TENM3: variants seen among roughly 807,000 people sequenced by gnomAD.
TENM3 encodes the protein teneurin-3.
TENM3 carries 63 observed loss-of-function variants against 255.1 expected under a neutral mutation model. That is an observed-to-expected ratio of 0.25 (90% CI 0.20 to 0.30). TENM3 has a LOEUF of 0.30. Ranked by LOEUF, TENM3 falls within the 10% of genes least tolerant of loss-of-function variation. The pLI, the probability that TENM3 is intolerant of heterozygous loss-of-function variation, is 1.00. For synonymous variants in TENM3, 1,306 were observed against 1,322.3 expected, an observed-to-expected ratio of 0.99 and a Z score of 0.27; for missense variants, 2,929 against 3,461.1, an observed-to-expected ratio of 0.85 and a Z score of 3.86.
chr4:181,845,752 T>C, the TENM3 span, among the ~76,000 whole-genome samples: 1 of 152,218 alleles, frequency 6.6e-6, no homozygotes, highest in African/African-American at 2.4e-5. Context: ...AGAAATTTAG[T>C]TGGTCTCACA....
chr4:182,307,318 G>A (rs549277886), intron 1 of TENM3, among the ~76,000 whole-genome samples: 1 of 152,114 alleles, frequency 6.6e-6, no homozygotes, highest in African/African-American at 2.4e-5. Context: ...AATAATCATC[G>A]TAATCTGTGC....
intron 3 of TENM3, among the ~76,000 whole-genome samples, chr4:182,367,882 G>A (rs1354313958): frequency 1.3e-5 from 2 of 152,114 alleles, no homozygotes; most frequent in Non-Finnish European, 2.9e-5. Context: ...AAAGATGGAA[G>A]GATGGAAAAG....
intron 6 of TENM3, among the ~76,000 whole-genome samples, 172 bp from the exon 7 acceptor site, chr4:182,672,833 A>G (rs1755331075): frequency 6.6e-6 from 1 of 152,252 alleles, no homozygotes; most frequent in South Asian, 2.1e-4. Context: ...GTAAAACACC[A>G]GTATCTAATA....
At chr4:181,759,574 A>G in the TENM3 span, among the ~76,000 whole-genome samples, 2 of 152,192 alleles carry the variant, frequency 1.3e-5, no homozygotes. Context: ...ATTTGCACCA[A>G]GCAATATAGC....
chr4:181,562,970 G>A, the TENM3 span, among the ~76,000 whole-genome samples: 25 of 152,272 alleles, frequency 1.6e-4, no homozygotes, highest in East Asian at 1.5e-3. Flanking sequence ...CCACCGTGCC[G>A]GGCCCTTCTT....
chr4:181,897,119 C>T, the TENM3 span, among the ~76,000 whole-genome samples: 1 of 152,210 alleles, frequency 6.6e-6, no homozygotes, highest in African/African-American at 2.4e-5. Flanking sequence ...GTTCCTTCTT[C>T]CCTTCAGCCT....
At chr4:181,857,571 AAAAACAAAAC>A in the TENM3 span, among the ~76,000 whole-genome samples, 3 of 114,534 alleles carry the variant, frequency 2.6e-5, no homozygotes, top group African/African-American at 1.4e-4. Context: ...AAAAAAAAAA[AAAAACAAAAC>A]AAAACAAAAA....
At chr4:182,106,035 C>T in the TENM3 span, among the ~76,000 whole-genome samples, 5 of 152,358 alleles carry the variant, frequency 3.3e-5, no homozygotes, top group African/African-American at 1.2e-4. Flanking sequence ...GGCTAGCCTT[C>T]ACCTTCAGGT....
At chr4:182,222,443 C>T (rs1482520365) in intron 1 of TENM3, among the ~76,000 whole-genome samples, 1 of 152,212 alleles carries the variant, frequency 6.6e-6, no homozygotes, top group Non-Finnish European at 1.5e-5. Flanking sequence ...TCTGTGTGTG[C>T]TTGCATGTGG....
chr4:182,175,258 T>C (rs1752386302), intron 1 of TENM3, among the ~76,000 whole-genome samples: 1 of 148,518 alleles, frequency 6.7e-6, no homozygotes, highest in South Asian at 2.1e-4. Flanking sequence ...TTGAGATGAG[T>C]CTCCTTTTTA....
chr4:182,210,414 G>A (rs951172678), intron 1 of TENM3, among the ~76,000 whole-genome samples: 2 of 151,862 alleles, frequency 1.3e-5, no homozygotes, highest in African/African-American at 4.8e-5. Context: ...TACTTATTAT[G>A]CTTCTCTCAC....
intron 3 of TENM3, among the ~76,000 whole-genome samples, chr4:182,455,875 C>T (rs1190393398): frequency 6.6e-6 from 1 of 152,070 alleles, no homozygotes; most frequent in Non-Finnish European, 1.5e-5. Context: ...CACAGCATTT[C>T]TTGTGGCTCC....
chr4:181,973,393 G>A, the TENM3 span, among the ~76,000 whole-genome samples: 2 of 152,112 alleles, frequency 1.3e-5, no homozygotes, highest in Non-Finnish European at 2.9e-5. Flanking sequence ...CAGAAAAAAA[G>A]GACCCTGAGC....
chr4:182,758,109 C>T (rs947353679), intron 22 of TENM3, among the ~76,000 whole-genome samples: 1 of 152,138 alleles, frequency 6.6e-6, no homozygotes, highest in African/African-American at 2.4e-5. Flanking sequence ...AAGCTGGCTA[C>T]AGCAAAGACG....
intron 5 of TENM3, among the ~76,000 whole-genome samples, chr4:182,633,956 TGCCTAGGAATCGCCTGG>T (rs1425632249): frequency 6.6e-6 from 1 of 152,208 alleles, no homozygotes; most frequent in Non-Finnish European, 1.5e-5. Flanking sequence ...AGCATTCCTG[TGCCTAGGAATCGCCTGG>T]GGACCTTGCT....
chr4:182,321,769 C>T (rs961434345), intron 1 of TENM3, among the ~76,000 whole-genome samples: 5 of 151,992 alleles, frequency 3.3e-5, no homozygotes, highest in African/African-American at 1.2e-4. Context: ...CATGGTGAAA[C>T]CCCATCTGTA....
At chr4:182,712,042 C>G (rs1023439324) in intron 12 of TENM3, among the ~76,000 whole-genome samples, 1 of 151,910 alleles carries the variant, frequency 6.6e-6, no homozygotes, top group Non-Finnish European at 1.5e-5. Flanking sequence ...AGAGAAATTT[C>G]GTTTATTTCA....
chr4:182,070,568 A>C, the TENM3 span, among the ~76,000 whole-genome samples: 2 of 152,112 alleles, frequency 1.3e-5, no homozygotes, highest in African/African-American at 2.4e-5. Context: ...AGTGAGCTGA[A>C]ATTGCGCCGC....
chr4:181,711,376 A>G, the TENM3 span, among the ~76,000 whole-genome samples: 1 of 152,192 alleles, frequency 6.6e-6, no homozygotes, highest in South Asian at 2.1e-4. Context: ...CTCTGAAAAG[A>G]TAGAGTGAGT....
Sources: gnomAD v4.1 joint callset for allele counts (sites outside exome capture counted in the v4.1 genomes callset) on GRCh38, gnomAD v4.1.1 for gene constraint, MANE v1.5 for transcripts, NCBI Gene and HGNC (gene_info 2026-07-23, HGNC 2026-07-21) for gene names.